Variants in ST3GAL3 observed in about 807,000 individuals in gnomAD.
The protein encoded by ST3GAL3 is ST3 beta-galactoside alpha-2,3-sialyltransferase 3, also known as CMP-N-acetylneuraminate-beta-1,4-galactoside alpha-2,3-sialyltransferase.
A neutral mutation model predicts 50.1 loss-of-function variants in ST3GAL3; 21 were observed. The ratio of observed to expected loss-of-function variants is 0.42; its 90% CI spans 0.30 to 0.60. The LOEUF is 0.60. Among genes scored for constraint, ST3GAL3 ranks in the 20% least tolerant of loss-of-function variants. ST3GAL3 has a pLI of 0.19. For missense variants in ST3GAL3, 353 were observed against 489.4 expected, an observed-to-expected ratio of 0.72 and a Z score of 2.63; for synonymous variants, 183 against 190.0, an observed-to-expected ratio of 0.96 and a Z score of 0.30.
chr1:43,750,498 A>C (rs759592342), intron 2 of ST3GAL3, among the ~76,000 whole-genome samples: 22 of 152,236 alleles, frequency 1.4e-4, no homozygotes, highest in Non-Finnish European at 2.8e-4. Flanking sequence ...TTAATTATAA[A>C]GAACTAAATT....
intron 2 of ST3GAL3, among the ~76,000 whole-genome samples, chr1:43,765,970 T>G (rs1692785672): frequency 6.6e-6 from 1 of 152,080 alleles, no homozygotes; most frequent in African/African-American, 2.4e-5. Context: ...GGGAAGCACA[T>G]GAGCTTCTCT....
intron 1 of ST3GAL3, among the ~76,000 whole-genome samples, chr1:43,735,051 C>CTAGAGCA (rs1677797479): frequency 6.6e-6 from 1 of 152,234 alleles, no homozygotes; most frequent in Non-Finnish European, 1.5e-5. Context: ...AGTACAATGA[C>CTAGAGCA]TAGAGCATAG....
chr1:43,827,346 A>C (rs141575233), intron 4 of ST3GAL3, among the ~76,000 whole-genome samples: 4 of 152,270 alleles, frequency 2.6e-5, no homozygotes, highest in African/African-American at 7.2e-5. Context: ...GCCAAAAAAA[A>C]AGGGAAATAC....
intron 4 of ST3GAL3, among the ~76,000 whole-genome samples, chr1:43,815,382 C>T (rs2061107054): frequency 6.6e-6 from 1 of 152,180 alleles, no homozygotes; most frequent in African/African-American, 2.4e-5. Flanking sequence ...CTCCTTTTCC[C>T]TCTACCTTTG....
At chr1:43,744,600 C>G (rs1228969202) in intron 2 of ST3GAL3, among the ~76,000 whole-genome samples, 1 of 150,878 alleles carries the variant, frequency 6.6e-6, no homozygotes, top group Non-Finnish European at 1.5e-5. Flanking sequence ...TTGCAGTGAG[C>G]CAAGATTGCA....
At chr1:43,842,523 G>T (rs1205234790) in intron 5 of ST3GAL3, 1 of 151,718 alleles carries the variant, frequency 6.6e-6, no homozygotes, top group Non-Finnish European at 1.5e-5. Context: ...ATTTTTTTTA[G>T]AGGCCGGGCA....
In ST3GAL3 at chr1:43,917,637, AATATAAT is replaced by A. The variant is rs1210526836; in HGVS notation, c.745-2756_745-2750del. On this transcript the variant is annotated intron_variant, in intron 9 of 11. Coordinates refer to ENST00000347631, the MANE Select transcript of ST3GAL3 (RefSeq NM_006279.5). ...ATATATTATATTATATATAATATAT[AATATAAT>A]ATATAATATAATATATAATATATAT... 5.9e-5 allele frequency among the ~76,000 whole-genome samples: 4 copies of A among 68,356 alleles called. No homozygotes were observed. The Admixed American group carries it at 7.6e-4, about 13-fold the overall frequency. 44.8% of individuals were successfully genotyped at this position (68,356 alleles called of 152,430 possible).
intron 5 of ST3GAL3, among the ~76,000 whole-genome samples, chr1:43,877,303 C>T (rs186771082): frequency 2.4e-4 from 37 of 152,200 alleles, no homozygotes; most frequent in South Asian, 4.2e-4. Flanking sequence ...CAGTCTGGGG[C>T]GATGATGATG....
intron 5 of ST3GAL3, among the ~76,000 whole-genome samples, chr1:43,856,552 C>G (rs1045984317): frequency 1.3e-5 from 2 of 152,186 alleles, no homozygotes; most frequent in East Asian, 3.8e-4. Context: ...GGGTACAGAC[C>G]TTTCTGGGAA....
intron 5 of ST3GAL3, among the ~76,000 whole-genome samples, chr1:43,859,631 C>T (rs1481117790): frequency 6.6e-6 from 1 of 152,236 alleles, no homozygotes; most frequent in African/African-American, 2.4e-5. Flanking sequence ...TCAGCCCCTT[C>T]AGATAGTGTG....
intron 5 of ST3GAL3, among the ~76,000 whole-genome samples, chr1:43,858,868 G>C (rs775706486): frequency 6.6e-6 from 1 of 152,182 alleles, no homozygotes; most frequent in Non-Finnish European, 1.5e-5. Context: ...CCCCACTGTG[G>C]AGGCAGGACA....
intron 3 of ST3GAL3, among the ~76,000 whole-genome samples, chr1:43,806,600 G>T (rs994706253): frequency 3.3e-5 from 5 of 152,204 alleles, no homozygotes; most frequent in African/African-American, 2.4e-5. Context: ...AGTCTGATTT[G>T]TACCATTTTG....
At chr1:43,888,395 A>T (rs193133850) in intron 5 of ST3GAL3, among the ~76,000 whole-genome samples, 1 of 152,304 alleles carries the variant, frequency 6.6e-6, no homozygotes, top group Admixed American at 6.5e-5. Context: ...TGACCATAGC[A>T]GCAGCTTTCT....
At chr1:43,809,724 G>A (rs1262440912) in intron 3 of ST3GAL3, among the ~76,000 whole-genome samples, 1 of 151,826 alleles carries the variant, frequency 6.6e-6, no homozygotes, top group Non-Finnish European at 1.5e-5. Context: ...GCCGAGCGTG[G>A]TGGTTCACGC....
chr1:43,840,491 A>G (rs1351801515), intron 5 of ST3GAL3: 1 of 152,164 alleles, frequency 6.6e-6, no homozygotes, highest in Non-Finnish European at 1.5e-5. Flanking sequence ...TTAACTCAAA[A>G]GTCCTACTGT....
intron 2 of ST3GAL3, among the ~76,000 whole-genome samples, chr1:43,742,246 G>C (rs1242828007): frequency 6.6e-6 from 1 of 152,076 alleles, no homozygotes; most frequent in African/African-American, 2.4e-5. Flanking sequence ...GTCCAGCTGA[G>C]ACCCCAGACA....
chr1:43,788,988 C>T (rs1332370008), intron 2 of ST3GAL3, among the ~76,000 whole-genome samples: 1 of 150,494 alleles, frequency 6.6e-6, no homozygotes, highest in Non-Finnish European at 1.5e-5. Context: ...ATGTGTTCAA[C>T]GTCTGAAGAC....
chr1:43,930,338 A>G lies in ST3GAL3; in HGVS notation c.*117A>G. On this transcript the variant is annotated 3_prime_UTR_variant, in exon 12 of 12. Coordinates refer to ENST00000347631, the MANE Select transcript of ST3GAL3 (RefSeq NM_006279.5). Reference sequence around the variant, plus strand: ...CGGTGCCAAGGGCCCCAGGGGCAGCAAGGCCTTGGTGGAGCAGCCAGAGCT... The same window carrying G: ...CGGTGCCAAGGGCCCCAGGGGCAGCGAGGCCTTGGTGGAGCAGCCAGAGCT... 1 of 998,342 alleles carries G rather than the reference A, an allele frequency of 1.0e-6. No homozygotes were observed. Among genetic ancestry groups the G allele is most frequent in the Non-Finnish European group, 1.6e-6 (1 of 635,036 alleles). The allele number at this position is 998,342 out of a possible 1,614,324, so 61.8% of individuals were successfully genotyped here. A position where few individuals can be genotyped will look rare whatever the true frequency, so the allele number is the denominator to read the frequency against.
At chr1:43,888,128 G>C (rs1558738372) in intron 5 of ST3GAL3, among the ~76,000 whole-genome samples, 1 of 152,192 alleles carries the variant, frequency 6.6e-6, no homozygotes, top group African/African-American at 2.4e-5. Flanking sequence ...AAGAGGTAAA[G>C]AGAGGCCTTT....
Sources: allele counts gnomAD v4.1 joint callset (sites outside exome capture counted in the v4.1 genomes callset), GRCh38; gene constraint gnomAD v4.1.1; transcripts MANE v1.5; gene names NCBI Gene and HGNC (gene_info 2026-07-23, HGNC 2026-07-21).